Variants in OPLAH observed in about 807,000 individuals in gnomAD.
The protein encoded by OPLAH is 5-oxoprolinase.
A neutral mutation model predicts 122.8 loss-of-function variants in OPLAH; 103 were observed. The observed-to-expected ratio is 0.84, with a 90% CI of 0.71 to 0.99. The LOEUF is 0.99. OPLAH is among the 50% of genes least tolerant of loss of function. The pLI is 0.00. For missense variants in OPLAH, 1,902 were observed against 1,836.5 expected, an observed-to-expected ratio of 1.04 and a Z score of -0.65; for synonymous variants, 875 against 796.0, an observed-to-expected ratio of 1.10 and a Z score of -1.67.
chr8:144,050,354 AGAAGTTTGGGG>A (rs1835344502), downstream of OPLAH: 1 of 966,028 alleles, frequency 1.0e-6, no homozygotes, highest in Admixed American at 7.1e-5. Context: ...GACTGGGCCG[AGAAGTTTGGGG>A]CCGAGAAGTT....
Position 144,051,916 on chromosome 8 carries a change from C to G in OPLAH, c.3622G>C (p.Gly1208Arg). 10 of 1,532,382 alleles carry G rather than the reference C, an allele frequency of 6.5e-6. No homozygotes were observed. Among genetic ancestry groups the G allele is most frequent in the Non-Finnish European group, 8.7e-6 (10 of 1,145,872 alleles). 94.9% of individuals were successfully genotyped at this position (1,532,382 alleles called of 1,614,324 possible). The change falls in exon 25 of 27, where the codon GGG (glycine) becomes CGG (arginine). Residue 1208 changes from glycine (G) to arginine (R), a missense_variant and splice_region_variant. Physicochemically the swap from Gly to Arg is moderately radical, Grantham distance 125. Around this residue, in one of 3 missense-constraint regions of OPLAH, gnomAD observed 1,726 missense variants for 1,642.1 expected, o/e 1.05. Coordinates refer to ENST00000618853, the MANE Select transcript of OPLAH (RefSeq NM_017570.5). ...CCGCGAGGGCTGGGGAACCGCGCAC[C>G]GTGGAGCCCGTATGGCCGGAAGGCG... The part of the protein sequence containing the change: ...RRAFRPYGLH[G>R]GEPGARGLNL...
In OPLAH at chr8:144,052,747, C is replaced by T; in HGVS notation, c.3153+19G>A. 2 of 1,561,338 alleles carry T rather than the reference C, an allele frequency of 1.3e-6. No individual in the cohort carries two copies. The highest frequency in any genetic ancestry group is 1.7e-6 in the Non-Finnish European group (2 of 1,153,616). ...GACCTCGGGCTGGGGCCCCCCCTCG[C>T]GCACACACCCCTGCGAACCTGGTTG... On this transcript the variant is annotated intron_variant, in intron 22 of 26. Coordinates refer to ENST00000618853, the MANE Select transcript of OPLAH (RefSeq NM_017570.5).
chr8:144,052,916 G>A lies in OPLAH; in HGVS notation c.3019-16C>T. 10 of 1,562,328 alleles carry A rather than the reference G, an allele frequency of 6.4e-6. No individual in the cohort carries two copies. In the Middle Eastern group the frequency reaches 5.0e-4, roughly 78 times the overall value. ...CGGCGCTGCCCTGCGCGCCCCGAGG[G>A]AAGGGAGAGGCTGTCAGCGGCCGCA... On this transcript the variant is annotated splice_polypyrimidine_tract_variant and intron_variant, in intron 21 of 26. Transcript: ENST00000618853.
intron 19 of OPLAH, 36 bp downstream of exon 19, chr8:144,054,525 C>G (rs1554758430): frequency 6.5e-7 from 1 of 1,537,226 alleles, no homozygotes. Context: ...TGTGTCCCAG[C>G]CTACAGAAGG....
Position 144,057,164 on chromosome 8 carries a change from C to T in OPLAH, c.1535+44G>A, listed in dbSNP as rs372925771. ...GCAATGGGAGGTCACCTCCCAAGCC[C>T]GGCGCAGATCACACCACCTCCGTGC... On this transcript the variant is annotated intron_variant, in intron 11 of 26. Coordinates refer to ENST00000618853, the MANE Select transcript of OPLAH (RefSeq NM_017570.5). The T allele has an allele frequency of 2.3e-5, 36 of 1,598,012 alleles. No homozygotes were observed. In the African/African-American group the frequency reaches 2.4e-4, roughly 11 times the overall value.
chr8:144,054,541 C>G lies in OPLAH; in HGVS notation c.2686+20G>C, dbSNP rs1554758438. The G allele has an allele frequency of 1.3e-6, 2 of 1,557,740 alleles. No homozygotes were observed. The highest frequency in any genetic ancestry group is 1.7e-6 in the Non-Finnish European group (2 of 1,146,894). ...GTGTCCCAGCCTACAGAAGGCCTGC[C>G]CCACCCCACTCCCACTCACCCTCCT... On this transcript the variant is annotated intron_variant, in intron 19 of 26. Transcript: ENST00000618853.
upstream of OPLAH, among the ~76,000 whole-genome samples, chr8:144,062,477 A>T (rs1835679255): frequency 6.6e-6 from 1 of 151,980 alleles, no homozygotes; most frequent in Non-Finnish European, 1.5e-5. Flanking sequence ...AGTCCGTGGG[A>T]AGCAGCTCTG....
In OPLAH at chr8:144,055,567, C is replaced by T. The variant is rs1402879785; in HGVS notation, c.2248+221G>A. ...AGTATCCCTTCCTTAGCTAGGAGGG[C>T]ACTCTCTGGATCACATGGCTGCAGG... On this transcript the variant is annotated intron_variant, in intron 16 of 26. Coordinates refer to ENST00000618853, the MANE Select transcript of OPLAH (RefSeq NM_017570.5). The surrounding 1 kb of genome is among the most constrained non-coding windows in gnomAD (Gnocchi z 6.5). Among the ~76,000 whole-genome samples, 1 of 152,126 alleles carries T rather than the reference C, an allele frequency of 6.6e-6. No homozygotes were observed. The highest frequency in any genetic ancestry group is 1.5e-5 in the Non-Finnish European group (1 of 68,006).
rs1835476831 is a variant in OPLAH at position 144,055,017 on chromosome 8, G to A, written c.2409+12C>T. 2 of 1,469,496 alleles carry A rather than the reference G, an allele frequency of 1.4e-6. No individual in the cohort carries two copies. Among genetic ancestry groups the A allele is most frequent in the Non-Finnish European group, 1.8e-6 (2 of 1,101,754 alleles). The allele number at this position is 1,469,496 out of a possible 1,614,324, so 91.0% of individuals were successfully genotyped here. A position where few individuals can be genotyped will look rare whatever the true frequency, so the allele number is the denominator to read the frequency against. ...GGAGGGGGATGGAAGGGTGAGGCGG[G>A]GGAAGGGCCACCTGGAACTGCACCG... On this transcript the variant is annotated intron_variant, in intron 17 of 26. Coordinates refer to ENST00000618853, the MANE Select transcript of OPLAH (RefSeq NM_017570.5). The surrounding 1 kb of genome is among the most constrained non-coding windows in gnomAD (Gnocchi z 6.5).
chr8:144,059,548 C>A, intron 3 of OPLAH, 51 bp downstream of exon 3: 1 of 1,544,592 alleles, frequency 6.5e-7, no homozygotes. Flanking sequence ...TCAAGGCATC[C>A]CTGGGGGGTG....
intron 19 of OPLAH, 29 bp from the exon 20 acceptor site, chr8:144,053,422 CT>C (rs1328060650): frequency 1.3e-6 from 2 of 1,574,282 alleles, no homozygotes; most frequent in African/African-American, 2.7e-5. Flanking sequence ...CACTGAGCCC[CT>C]GGCCAACCCT....
intron 3 of OPLAH, 112 bp from the exon 4 acceptor site, chr8:144,059,191 GC>G: frequency 2.3e-6 from 2 of 867,100 alleles, no homozygotes; most frequent in Non-Finnish European, 3.6e-6. Context: ...CGGTCGGCAG[GC>G]CCAGGAGAGT....
At chr8:144,057,960 G>C in intron 8 of OPLAH, 37 bp from the exon 9 acceptor site, 2 of 1,612,032 alleles carry the variant, frequency 1.2e-6, no homozygotes, top group Middle Eastern at 1.7e-4. Context: ...AGTTGGACAC[G>C]AGGAGGGAGA....
chr8:144,051,425 C>T lies in OPLAH; in HGVS notation c.3768G>A (p.Pro1256=), dbSNP rs1835371601. The change falls in exon 27 of 27, where the codon CCG becomes CCA. Residue 1256 remains proline (P), a synonymous_variant. Coordinates refer to ENST00000618853, the MANE Select transcript of OPLAH (RefSeq NM_017570.5). ...ACCCCGGCGGTGGGGCGGGGTCCTCCGGGTCCCCATAGCCACCGCCGCCGG... is the reference window on the plus strand; with the variant it reads ...ACCCCGGCGGTGGGGCGGGGTCCTCTGGGTCCCCATAGCCACCGCCGCCGG... ...HTPGGGGYGD[P]EDPAPPPGSP... 1 of 1,487,412 alleles carries T rather than the reference C, an allele frequency of 6.7e-7. No individual in the cohort carries two copies. Among genetic ancestry groups the T allele is most frequent in the South Asian group, 1.2e-5 (1 of 84,930 alleles). The allele number at this position is 1,487,412 out of a possible 1,614,324, so 92.1% of individuals were successfully genotyped here.
Position 144,056,450 on chromosome 8 carries a change from C to T in OPLAH, c.1918G>A (p.Gly640Ser), listed in dbSNP as rs201454549. ...TCCTCGAGGCGAAGACCACTGCGGC[C>T]GGTGCCCCGCACTCGCACATCGTCC... ...VVDDVRVRGT[G>S]RSGLRLEDAP... is the part of the protein sequence containing the mutation. Residue 640 changes from glycine (G) to serine (S), a missense_variant, in exon 14 of 27, where the codon GGC (glycine) becomes AGC (serine). By Grantham distance (56) the Gly-to-Ser change is moderately conservative (BLOSUM62 0). This residue lies in a region of OPLAH where 1,726 missense variants were observed against 1,642.1 expected (regional missense o/e 1.05). Transcript: ENST00000618853. The T allele has an allele frequency of 1.4e-3, 2,182 of 1,610,494 alleles. 5 individuals carry two copies. Among genetic ancestry groups the T allele is most frequent in the South Asian group, 1.8e-3 (167 of 90,872 alleles).
In OPLAH at chr8:144,054,725, G is replaced by A. The variant is rs781812742; in HGVS notation, c.2522C>T (p.Pro841Leu). The A allele has an allele frequency of 1.1e-4, 184 of 1,612,074 alleles. No homozygotes were observed. Among genetic ancestry groups the A allele is most frequent in the South Asian group, 2.3e-4 (21 of 91,074 alleles). The change falls in exon 19 of 27, where the codon CCG (proline) becomes CTG (leucine). Residue 841 changes from proline to leucine, a missense_variant. Physicochemically the swap from Pro to Leu is moderately conservative, Grantham distance 98 (BLOSUM62 -3). Coordinates refer to ENST00000618853, the MANE Select transcript of OPLAH (RefSeq NM_017570.5). ...ATAGAACACAGGCCGCGTCTGACCC[G>A]GCCAAAACACCTAGCGGGTGGAGAG... Reference protein sequence around the residue: ...DLTVITPVFWPGQTRPVFYVA... With the variant: ...DLTVITPVFWLGQTRPVFYVA...
intron 11 of OPLAH, 37 bp downstream of exon 11, chr8:144,057,171 G>A: frequency 6.2e-7 from 1 of 1,603,272 alleles, no homozygotes; most frequent in Non-Finnish European, 8.5e-7. Context: ...GCCCGGCGCA[G>A]ATCACACCAC....
Position 144,057,035 on chromosome 8 carries a change from G to T in OPLAH, c.1619C>A (p.Ala540Glu). 6.2e-7 allele frequency: 1 copy of T among 1,600,116 alleles called. No homozygotes were observed. The highest frequency in any genetic ancestry group is 8.5e-7 in the Non-Finnish European group (1 of 1,174,522). ...GTCCAGCTGCACGAAGGTCTCAGGC[G>T]CGTAGAGCAGGGAGCAGGGTTCCTG... ...EAQEPCSLLY[A>E]PETFVQLDQR... Residue 540 changes from alanine to glutamate, a missense_variant, in exon 12 of 27, where the codon GCG becomes GAG. This residue lies in a region of OPLAH where 1,726 missense variants were observed against 1,642.1 expected (regional missense o/e 1.05). Transcript: ENST00000618853.
chr8:144,053,923 C>T (rs1835449013), intron 19 of OPLAH, among the ~76,000 whole-genome samples: 1 of 149,842 alleles, frequency 6.7e-6, no homozygotes, highest in Non-Finnish European at 1.5e-5. Flanking sequence ...ACCCCTGGCC[C>T]CCTCTCCCAA....
Sources: allele counts gnomAD v4.1 joint callset (sites outside exome capture counted in the v4.1 genomes callset), GRCh38; gene constraint gnomAD v4.1.1; regional missense constraint gnomAD v4.1.1; non-coding constraint Gnocchi (gnomAD v3.1); transcripts MANE v1.5; gene names NCBI Gene and HGNC (gene_info 2026-07-23, HGNC 2026-07-21).